ANKFN1: variants seen among roughly 807,000 people sequenced by gnomAD.
The protein encoded by ANKFN1 is ankyrin repeat and fibronectin type-III domain-containing protein 1.
Under a neutral mutation model 108.7 loss-of-function variants are expected in ANKFN1, and 74 were observed. That is an observed-to-expected ratio of 0.68 (90% CI 0.56 to 0.83). ANKFN1 has a LOEUF of 0.83. Ranked by LOEUF, ANKFN1 falls within the 40% of genes least tolerant of loss-of-function variation. ANKFN1 has a pLI of 0.00. For synonymous variants in ANKFN1, 547 were observed against 516.2 expected (o/e 1.06, Z -0.81); for missense variants, 1,505 against 1,382.3 (o/e 1.09, Z -1.41).
chr17:56,446,977 C>A (rs1264304313), intron 10 of ANKFN1, among the ~76,000 whole-genome samples: 1 of 152,062 alleles, frequency 6.6e-6, no homozygotes, highest in African/African-American at 2.4e-5. Context: ...AGTCCTAGCA[C>A]TTTGGGAAGC....
At chr17:56,495,575 A>G (rs2145432079) in intron 19 of ANKFN1, among the ~76,000 whole-genome samples, 1 of 152,276 alleles carries the variant, frequency 6.6e-6, no homozygotes, top group East Asian at 1.9e-4. Context: ...GTGCGGCCAG[A>G]AAGGGGGAGG....
At chr17:56,250,413 T>A (rs1383494486) in intron 3 of ANKFN1, among the ~76,000 whole-genome samples, 2 of 152,198 alleles carry the variant, frequency 1.3e-5, no homozygotes, top group African/African-American at 4.8e-5. Context: ...TAGGGGAAGG[T>A]GATGGCATAC....
chr17:56,392,502 G>C (rs1022176321), intron 8 of ANKFN1, among the ~76,000 whole-genome samples: 1 of 152,186 alleles, frequency 6.6e-6, no homozygotes, highest in Admixed American at 6.5e-5. Context: ...CAGTAGGGCA[G>C]ATTTTTCCAT....
chr17:56,498,760 A>G (rs915650653), intron 19 of ANKFN1, 122 bp from the exon 20 acceptor site: 15 of 763,870 alleles, frequency 2.0e-5, no homozygotes, highest in East Asian at 2.7e-5. Flanking sequence ...TATGTTAAAA[A>G]TATTTTACTC....
intron 6 of ANKFN1, among the ~76,000 whole-genome samples, chr17:56,371,178 A>T (rs949471554): frequency 6.6e-6 from 1 of 152,152 alleles, no homozygotes; most frequent in Non-Finnish European, 1.5e-5. Flanking sequence ...AGAGTACATG[A>T]TTGACTGCTA....
At chr17:56,126,166 A>G (rs1449638415) in intron 4 of ANKFN1, among the ~76,000 whole-genome samples, 1 of 152,192 alleles carries the variant, frequency 6.6e-6, no homozygotes, top group Non-Finnish European at 1.5e-5. Context: ...TGGCCCAAAT[A>G]AAAGTCAAAT....
intron 3 of ANKFN1, among the ~76,000 whole-genome samples, chr17:56,266,670 A>T (rs760152930): frequency 6.6e-6 from 1 of 152,164 alleles, no homozygotes; most frequent in Non-Finnish European, 1.5e-5. Context: ...GAATGTCAAT[A>T]AATGAAACAG....
Position 56,350,902 on chromosome 17 carries a change from T to C in ANKFN1, c.325T>C (p.Ser109Pro), listed in dbSNP as rs778609641. 6.2e-7 allele frequency: 1 copy of C among 1,613,844 alleles called. No homozygotes were observed. Among genetic ancestry groups the C allele is most frequent in the South Asian group, 1.1e-5 (1 of 91,078 alleles). Residue 109 changes from serine to proline, a missense_variant, in exon 5 of 21, where the codon TCT becomes CCT. By Grantham distance (74) the Ser-to-Pro change is moderately conservative. Coordinates refer to ENST00000682825, the MANE Select transcript of ANKFN1 (RefSeq NM_001370326.1). ...NLSEKLKGSH[S>P]SFDEAYFRTR... ...CTCTGAGAAACTGAAAGGGAGCCAC[T>C]CTTCCTTCGATGAGGCCTATTTTAG...
chr17:56,269,777 C>G (rs1279628057), intron 3 of ANKFN1, among the ~76,000 whole-genome samples: 1 of 152,190 alleles, frequency 6.6e-6, no homozygotes, highest in African/African-American at 2.4e-5. Flanking sequence ...CTTTCACAGT[C>G]TGGGGATGAA....
intron 3 of ANKFN1, among the ~76,000 whole-genome samples, chr17:56,318,248 T>G (rs545651440): frequency 4.6e-5 from 7 of 151,250 alleles, no homozygotes; most frequent in Admixed American, 6.6e-5. Context: ...CTGGGGGGGG[T>G]GTGCTGGCCT....
intron 3 of ANKFN1, among the ~76,000 whole-genome samples, chr17:56,286,922 C>T (rs1186729259): frequency 6.6e-6 from 1 of 152,018 alleles, no homozygotes; most frequent in East Asian, 1.9e-4. Flanking sequence ...AGAACTCTGC[C>T]AACCATAGGC....
At chr17:56,166,263 G>A (rs552900750) in intron 1 of ANKFN1, among the ~76,000 whole-genome samples, 10 of 152,152 alleles carry the variant, frequency 6.6e-5, no homozygotes, top group South Asian at 2.1e-4. Context: ...CTCAGTTTTC[G>A]TGAATGTGAA....
intron 8 of ANKFN1, among the ~76,000 whole-genome samples, chr17:56,377,817 T>C (rs949388681): frequency 6.6e-6 from 1 of 152,182 alleles, no homozygotes; most frequent in African/African-American, 2.4e-5. Flanking sequence ...AAAACCTCTT[T>C]TCCATCCACA....
At position 56,061,270 on chromosome 17, in the gene ANKFN1, T is replaced by TTC. The variant is rs1555589361; in HGVS notation, c.288+14946_288+14947insCT. 1.8e-4 allele frequency among the ~76,000 whole-genome samples: 22 copies of TTC among 122,502 alleles called. 1 individual carries two copies. The highest frequency in any genetic ancestry group is 4.6e-4 in the Admixed American group (6 of 12,994). The allele number at this position is 122,502 out of a possible 152,430, so 80.4% of individuals were successfully genotyped here. On this transcript the variant is annotated intron_variant, in intron 4 of 12. Coordinates refer to the ANKFN1 transcript ENST00000635860. ...TTTCTCTGATGGTAGTTTTTCTTTT[T>TTC]TTTTTTTTTTTTTTTTTTGAGATGG...
chr17:56,153,527 C>T lies in ANKFN1; in HGVS notation c.-74C>T. 1.2e-6 allele frequency: 2 copies of T among 1,614,078 alleles called. No individual in the cohort carries two copies. Among genetic ancestry groups the T allele is most frequent in the Non-Finnish European group, 1.7e-6 (2 of 1,179,908 alleles). ...TGTCTCTCATGGAGGCGTCTCTAAC[C>T]AGGGTAGGAAAACAATAGTTCTAAA... On this transcript the variant is annotated 5_prime_UTR_variant, in exon 1 of 21. Coordinates refer to ENST00000682825, the MANE Select transcript of ANKFN1 (RefSeq NM_001370326.1).
Position 56,227,735 on chromosome 17 carries a change from C to T in ANKFN1, c.13-182C>T, listed in dbSNP as rs1916389449. On this transcript the variant is annotated intron_variant, in intron 2 of 20. Transcript: ENST00000682825. Reference sequence around the variant, plus strand: ...ACAGCAGCTAGCATGAATGTTTTTTCTTTCTGGGCTACAGCCTCCTGTATC... The same window carrying T: ...ACAGCAGCTAGCATGAATGTTTTTTTTTTCTGGGCTACAGCCTCCTGTATC... Among the ~76,000 whole-genome samples, 3 of 151,966 alleles carry T rather than the reference C, an allele frequency of 2.0e-5. No individual in the cohort carries two copies. The South Asian group carries it at 6.2e-4, about 32-fold the overall frequency.
rs898034897 is a variant in ANKFN1 at position 56,095,093 on chromosome 17, T to C, written c.288+48768T>C. ...GAAACAGCTTCTTTAGAGAGACCCATGTACTGTGCAAGCAAAAGAATACAG... is the reference window on the plus strand; with the variant it reads ...GAAACAGCTTCTTTAGAGAGACCCACGTACTGTGCAAGCAAAAGAATACAG... On this transcript the variant is annotated intron_variant, in intron 4 of 12. Coordinates refer to the ANKFN1 transcript ENST00000635860. Among the ~76,000 whole-genome samples the C allele has an allele frequency of 9.9e-5, 15 of 150,996 alleles. 1 individual carries two copies. The highest frequency in any genetic ancestry group is 3.6e-4 in the African/African-American group (15 of 41,142).
At position 56,329,442 on chromosome 17, in the gene ANKFN1, GC is replaced by G. The variant is rs148870653; in HGVS notation, c.188+3090del. Reference sequence around the variant, plus strand: ...TCCTTCTCAGGCATCACTTTCTCTAGCCCATTTTCCCACAACCTCTTATCCA... The same window carrying G: ...TCCTTCTCAGGCATCACTTTCTCTAGCCATTTTCCCACAACCTCTTATCCA... On this transcript the variant is annotated intron_variant, in intron 4 of 20. Transcript: ENST00000682825. 5.0e-3 allele frequency among the ~76,000 whole-genome samples: 757 copies of G among 152,056 alleles called. 4 individuals are homozygous for G. Among genetic ancestry groups the G allele is most frequent in the Middle Eastern group, 0.017 (5 of 294 alleles).
Position 56,510,731 on chromosome 17 carries a change from A to T in ANKFN1, c.2903A>T (p.Glu968Val). The change falls in exon 21 of 21, where the codon GAG (glutamate) becomes GTG (valine). Residue 968 changes from glutamate to valine, a missense_variant. Transcript: ENST00000682825. ...EGPNPDHSCA[E>V]FLHSLTLTGF... ...CCAAATCCCGATCACTCATGTGCCG[A>T]GTTTCTCCATAGCCTGACCCTCACG... 1 of 1,536,082 alleles carries T rather than the reference A, an allele frequency of 6.5e-7. No homozygotes were observed. Among genetic ancestry groups the T allele is most frequent in the Non-Finnish European group, 8.7e-7 (1 of 1,146,912 alleles).
Sources: gnomAD v4.1 joint callset for allele counts (sites outside exome capture counted in the v4.1 genomes callset) on GRCh38, gnomAD v4.1.1 for gene constraint, MANE v1.5 for transcripts, NCBI Gene and HGNC (gene_info 2026-07-23, HGNC 2026-07-21) for gene names.